CCDC171: variants seen among roughly 807,000 people sequenced by gnomAD.
CCDC171 encodes the protein coiled-coil domain-containing protein 171.
CCDC171 carries 177 observed loss-of-function variants against 168.2 expected under a neutral mutation model. The observed-to-expected ratio is 1.05, with a 90% CI of 0.93 to 1.19. CCDC171 has a LOEUF of 1.19. CCDC171 is among the 50% of genes most tolerant of loss of function. The probability of loss-of-function intolerance (pLI) is 0.00; values close to 1 mark genes in which losing one functional copy is unlikely to be tolerated. For missense variants in CCDC171, 1,991 were observed against 1,539.0 expected (o/e 1.29, Z -4.91); for synonymous variants, 687 against 540.8 (o/e 1.27, Z -3.75).
chr9:15,597,754 G>T (rs533178277), intron 6 of CCDC171, among the ~76,000 whole-genome samples: 1 of 152,074 alleles, frequency 6.6e-6, no homozygotes, highest in Admixed American at 6.6e-5. Context: ...GGTAGAATTC[G>T]GCTGTGAATC....
chr9:15,874,760 T>G, intron 24 of CCDC171, 97 bp downstream of exon 24: 1 of 1,161,782 alleles, frequency 8.6e-7, no homozygotes, highest in Non-Finnish European at 1.2e-6. Context: ...TGTGAATAAT[T>G]TAAAGGAGAT....
At chr9:15,904,032 G>C (rs1447143409) in intron 24 of CCDC171, among the ~76,000 whole-genome samples, 1 of 152,178 alleles carries the variant, frequency 6.6e-6, no homozygotes, top group Middle Eastern at 3.2e-3. Context: ...TATGTGAAAA[G>C]ACCAAATCTA....
At chr9:15,560,620 C>G (rs1190993885) in intron 1 of CCDC171, among the ~76,000 whole-genome samples, 5 of 152,096 alleles carry the variant, frequency 3.3e-5, no homozygotes, top group Admixed American at 1.3e-4. Context: ...TTCTAGTTAG[C>G]CATTCATCTA....
At chr9:15,742,055 T>A (rs919903515) in intron 16 of CCDC171, among the ~76,000 whole-genome samples, 4 of 146,608 alleles carry the variant, frequency 2.7e-5, no homozygotes, top group African/African-American at 9.7e-5. Flanking sequence ...CCTCTTGTAT[T>A]TTCTAGGTTT....
chr9:16,045,162 G>A (rs1448153968), intron 1 of CCDC171, among the ~76,000 whole-genome samples: 1 of 152,122 alleles, frequency 6.6e-6, no homozygotes, highest in African/African-American at 2.4e-5. Context: ...ATTCTTGTTT[G>A]GGGGTCCCCA....
At chr9:15,971,008 TA>T (rs1419022237) in intron 25 of CCDC171, among the ~76,000 whole-genome samples, 1 of 151,884 alleles carries the variant, frequency 6.6e-6, no homozygotes, top group Non-Finnish European at 1.5e-5. Context: ...CCTAAAATAA[TA>T]AAGTTGAAAG....
At chr9:16,073,642 T>C in the CCDC171 span, among the ~76,000 whole-genome samples, 1 of 152,206 alleles carries the variant, frequency 6.6e-6, no homozygotes, top group East Asian at 1.9e-4. Context: ...CAGAAGCTAA[T>C]TGAGAAACCC....
At chr9:15,748,689 A>G (rs1477184821) in intron 18 of CCDC171, among the ~76,000 whole-genome samples, 5 of 152,202 alleles carry the variant, frequency 3.3e-5, no homozygotes, top group African/African-American at 7.2e-5. Flanking sequence ...AAAGAAAAGA[A>G]TTTTCAACTC....
intron 7 of CCDC171, among the ~76,000 whole-genome samples, chr9:15,634,389 A>G (rs2046028492): frequency 6.6e-6 from 1 of 152,096 alleles, no homozygotes; most frequent in Non-Finnish European, 1.5e-5. Context: ...TGGTTAGAAA[A>G]TGGAAGAAGG....
chr9:16,012,658 A>G (rs2132991737), intron 3 of CCDC171, among the ~76,000 whole-genome samples: 1 of 151,478 alleles, frequency 6.6e-6, no homozygotes, highest in South Asian at 2.1e-4. Flanking sequence ...ACAATTTTGT[A>G]TCAGACTCTT....
downstream of CCDC171, chr9:16,061,706 A>T (rs1833932884): frequency 6.6e-6 from 1 of 152,174 alleles, no homozygotes; most frequent in South Asian, 2.1e-4. Context: ...CTTTATAAAC[A>T]TTGGGTCATT....
chr9:16,065,992 GATA>G (rs777499807), downstream of CCDC171, among the ~76,000 whole-genome samples: 19 of 152,306 alleles, frequency 1.2e-4, no homozygotes, highest in Middle Eastern at 3.4e-3. Context: ...ATGAGAAAGA[GATA>G]ATAAGTCTAG....
At chr9:15,651,548 T>C (rs2047524522) in intron 7 of CCDC171, among the ~76,000 whole-genome samples, 1 of 152,118 alleles carries the variant, frequency 6.6e-6, no homozygotes, top group South Asian at 2.1e-4. Flanking sequence ...TGAGCCACCA[T>C]GCCCAGCCGA....
At chr9:15,698,017 A>T (rs1425995911) in intron 11 of CCDC171, among the ~76,000 whole-genome samples, 1 of 152,110 alleles carries the variant, frequency 6.6e-6, no homozygotes, top group Non-Finnish European at 1.5e-5. Context: ...GAACATTTCA[A>T]ATCTTCTGGC....
At chr9:15,660,253 A>G (rs183503956) in intron 8 of CCDC171, among the ~76,000 whole-genome samples, 3 of 152,344 alleles carry the variant, frequency 2.0e-5, no homozygotes, top group East Asian at 3.9e-4. Context: ...TCAGGTCACT[A>G]AAGTGGCATC....
chr9:16,031,979 T>A (rs1833371239), intron 6 of CCDC171, among the ~76,000 whole-genome samples: 1 of 152,204 alleles, frequency 6.6e-6, no homozygotes, highest in Admixed American at 6.5e-5. Context: ...GCACGGCCAG[T>A]GCTGCTCAAC....
At chr9:15,730,705 A>G (rs997804281) in intron 16 of CCDC171, among the ~76,000 whole-genome samples, 1 of 151,872 alleles carries the variant, frequency 6.6e-6, no homozygotes, top group African/African-American at 2.4e-5. Flanking sequence ...TGTATCCCCA[A>G]ATTTAAAGGT....
chr9:15,666,623 G>C (rs773709040), intron 9 of CCDC171, among the ~76,000 whole-genome samples: 3 of 152,056 alleles, frequency 2.0e-5, no homozygotes, highest in Non-Finnish European at 2.9e-5. Flanking sequence ...TAAGTATCAA[G>C]ACCAGCTTGG....
the CCDC171 span, among the ~76,000 whole-genome samples, chr9:16,086,107 T>C: frequency 1.3e-5 from 2 of 152,210 alleles, no homozygotes; most frequent in African/African-American, 4.8e-5. Flanking sequence ...TTGTAGGCTA[T>C]TAATTACTGC....
Sources: gnomAD v4.1 joint callset for allele counts (sites outside exome capture counted in the v4.1 genomes callset) on GRCh38, gnomAD v4.1.1 for gene constraint, MANE v1.5 for transcripts, NCBI Gene and HGNC (gene_info 2026-07-23, HGNC 2026-07-21) for gene names.